Variants in RABGAP1L observed in about 807,000 individuals in gnomAD.
RABGAP1L encodes RAB GTPase activating protein 1 like, also known as rab GTPase-activating protein 1-like.
Under a neutral mutation model 137.7 loss-of-function variants are expected in RABGAP1L, and 63 were observed. The ratio of observed to expected loss-of-function variants is 0.46; its 90% CI spans 0.37 to 0.56. The LOEUF (loss-of-function observed/expected upper bound fraction) is 0.56, where lower values mean the gene tolerates loss of function less well. Among genes scored for constraint, RABGAP1L ranks in the 20% least tolerant of loss-of-function variants. RABGAP1L has a pLI of 0.00. For synonymous variants in RABGAP1L, 431 were observed against 433.7 expected (o/e 0.99, Z 0.08); for missense variants, 1,095 against 1,244.0 (o/e 0.88, Z 1.80).
At chr1:174,350,141 A>AC (rs1487657148) in intron 11 of RABGAP1L, among the ~76,000 whole-genome samples, 1,048 of 68,612 alleles carry the variant, frequency 0.015, 5 homozygotes, top group South Asian at 0.038. Context: ...GGGGGGGCTG[A>AC]CCCCCCACCT....
chr1:174,305,558 G>A (rs1287234646), intron 11 of RABGAP1L, among the ~76,000 whole-genome samples: 1 of 151,492 alleles, frequency 6.6e-6, no homozygotes, highest in Non-Finnish European at 1.5e-5. Flanking sequence ...ACTTTTTTTT[G>A]TATTTTTAGT....
intron 19 of RABGAP1L, among the ~76,000 whole-genome samples, chr1:174,884,946 G>A (rs1290639059): frequency 6.6e-6 from 1 of 152,198 alleles, no homozygotes; most frequent in East Asian, 1.9e-4. Context: ...TGTTAGGTGA[G>A]TTTTGTGATA....
chr1:174,753,520 C>T (rs1016259111), intron 18 of RABGAP1L, among the ~76,000 whole-genome samples: 9 of 152,156 alleles, frequency 5.9e-5, no homozygotes, highest in Non-Finnish European at 1.0e-4. Flanking sequence ...ATAAGATACA[C>T]TTTTTAAAAT....
rs1648073984 is a variant in RABGAP1L, at chr1:174,397,898, T to C, written c.1710+3753T>C. Among the ~76,000 whole-genome samples the C allele has an allele frequency of 1.3e-5, 2 of 152,146 alleles. 1 individual carries two copies. The highest frequency in any genetic ancestry group is 4.1e-4 in the South Asian group (2 of 4,834). On this transcript the variant is annotated intron_variant, in intron 13 of 25. Transcript: ENST00000681986. ...CACAGACTTCCTCAGGTTTGATAAT[T>C]TGCGAGAATAACTCACAGAACTCAG...
At chr1:174,370,653 C>G (rs187535598) in intron 11 of RABGAP1L, among the ~76,000 whole-genome samples, 3 of 151,100 alleles carry the variant, frequency 2.0e-5, no homozygotes, top group East Asian at 1.9e-4. Flanking sequence ...TTGAGAATAT[C>G]TGGTGAGTAG....
intron 19 of RABGAP1L, among the ~76,000 whole-genome samples, chr1:174,814,991 T>C (rs1228225324): frequency 6.6e-6 from 1 of 151,986 alleles, no homozygotes; most frequent in African/African-American, 2.4e-5. Flanking sequence ...GCCCAACCTA[T>C]TGTATTGTAT....
At chr1:174,506,328 T>G (rs1385321447) in intron 13 of RABGAP1L, among the ~76,000 whole-genome samples, 1 of 152,174 alleles carries the variant, frequency 6.6e-6, no homozygotes, top group Non-Finnish European at 1.5e-5. Flanking sequence ...ATGGCAGAGA[T>G]AAATAGTCAG....
At chr1:174,552,031 C>A (rs1205954991) in intron 13 of RABGAP1L, among the ~76,000 whole-genome samples, 1 of 152,006 alleles carries the variant, frequency 6.6e-6, no homozygotes, top group East Asian at 1.9e-4. Context: ...ATTAAAAGCT[C>A]CTGAAAAAGA....
intron 13 of RABGAP1L, among the ~76,000 whole-genome samples, chr1:174,395,037 A>G (rs528743227): frequency 6.6e-6 from 1 of 152,012 alleles, no homozygotes; most frequent in East Asian, 1.9e-4. Context: ...TGTGGGAAAA[A>G]ATGTCCAAAG....
chr1:174,748,985 T>C (rs1477721497), intron 17 of RABGAP1L, among the ~76,000 whole-genome samples: 2 of 151,846 alleles, frequency 1.3e-5, no homozygotes, highest in African/African-American at 4.8e-5. Flanking sequence ...GAGACTAGCC[T>C]GGCCAAAATG....
intron 18 of RABGAP1L, among the ~76,000 whole-genome samples, chr1:174,791,368 A>G (rs1687848907): frequency 2.0e-5 from 3 of 152,218 alleles, no homozygotes; most frequent in African/African-American, 7.2e-5. Context: ...GAAGATGAAG[A>G]TGTTAGAGAT....
intron 19 of RABGAP1L, among the ~76,000 whole-genome samples, chr1:174,949,058 T>C (rs189800209): frequency 2.0e-5 from 3 of 152,348 alleles, no homozygotes; most frequent in East Asian, 3.9e-4. Context: ...CACCTTTTGC[T>C]TTCTGTACCT....
intron 19 of RABGAP1L, among the ~76,000 whole-genome samples, chr1:174,921,505 C>G (rs114809501): frequency 6.1e-4 from 93 of 152,346 alleles, no homozygotes; most frequent in Middle Eastern, 3.4e-3. Flanking sequence ...TGGGCATACT[C>G]TTTCCTATAG....
At chr1:174,670,708 A>C (rs1284041980) in intron 14 of RABGAP1L, among the ~76,000 whole-genome samples, 1 of 152,066 alleles carries the variant, frequency 6.6e-6, no homozygotes, top group Non-Finnish European at 1.5e-5. Context: ...AGTTCCATCC[A>C]TGTTGTTGCA....
intron 19 of RABGAP1L, among the ~76,000 whole-genome samples, chr1:174,914,099 T>G (rs1479443122): frequency 6.6e-6 from 1 of 152,200 alleles, no homozygotes; most frequent in East Asian, 1.9e-4. Context: ...CCTATCATAC[T>G]TAGAGTTAAG....
At chr1:174,623,679 G>C (rs987573470) in intron 13 of RABGAP1L, among the ~76,000 whole-genome samples, 1 of 152,084 alleles carries the variant, frequency 6.6e-6, no homozygotes, top group Non-Finnish European at 1.5e-5. Flanking sequence ...TTTTGTTGAG[G>C]CTCTGTCACA....
intron 18 of RABGAP1L, among the ~76,000 whole-genome samples, chr1:174,773,163 G>GGTGTGTGTGTGTGTGTGTGTGT (rs9286899): frequency 0.021 from 3,123 of 149,618 alleles, 56 homozygotes; most frequent in Non-Finnish European, 0.032. Flanking sequence ...TAAGCTATGG[G>GGTGTGTGTGTGTGTGTGTGTGT]GTGTGTGTGT....
chr1:174,509,509 A>C (rs539118150), intron 13 of RABGAP1L, among the ~76,000 whole-genome samples: 38 of 152,022 alleles, frequency 2.5e-4, no homozygotes, highest in Admixed American at 5.9e-4. Flanking sequence ...TGACAAAGAG[A>C]GCTTGCTTGC....
chr1:174,915,464 T>G (rs1490337230), intron 19 of RABGAP1L, among the ~76,000 whole-genome samples: 3 of 152,180 alleles, frequency 2.0e-5, no homozygotes, highest in African/African-American at 7.2e-5. Flanking sequence ...TTTGCCCTTT[T>G]TTCTTTTGTT....
Sources: allele counts gnomAD v4.1 joint callset (sites outside exome capture counted in the v4.1 genomes callset), GRCh38; gene constraint gnomAD v4.1.1; transcripts MANE v1.5; gene names NCBI Gene and HGNC (gene_info 2026-07-23, HGNC 2026-07-21).